The following CKAP5 variants were observed in gnomAD, a reference collection of about 807,000 sequenced individuals.
CKAP5 encodes the protein cytoskeleton associated protein 5.
Under a neutral mutation model 232.8 loss-of-function variants are expected in CKAP5, and 27 were observed. The observed-to-expected ratio is 0.12, with a 90% CI of 0.09 to 0.16. The LOEUF (loss-of-function observed/expected upper bound fraction) is 0.16. Ranked by LOEUF, CKAP5 falls within the 10% of genes least tolerant of loss-of-function variation. CKAP5 has a pLI of 1.00. For missense variants in CKAP5, 1,838 were observed against 2,424.7 expected (o/e 0.76, Z 5.08); for synonymous variants, 785 against 841.1 (o/e 0.93, Z 1.16).
Position 46,790,563 on chromosome 11 carries a change from CT to C in CKAP5, c.1670del (p.Lys557ArgfsTer26). On this transcript the variant is annotated frameshift_variant, in exon 14 of 44. Transcript: ENST00000529230. LOFTEE classifies it high-confidence loss of function. Reference protein sequence around the residue: ...PAAKAGGPPKKGKPAAPGGAG... With the variant: ...PAAKAGGPPKXGKPAAPGGAG... ...CGCCTCCTGGTGCAGCTGGTTTCCC[CT>C]TTTTTGGTGGCCCACCAGCCTAAAA... is the stretch of plus-strand genomic sequence containing the variant. The C allele has an allele frequency of 6.2e-7, 1 of 1,613,632 alleles. No homozygotes were observed. The highest frequency in any genetic ancestry group is 1.7e-5 in the Admixed American group (1 of 60,000).
chr11:46,818,238 T>C, intron 3 of CKAP5, 72 bp downstream of exon 3: 1 of 1,190,542 alleles, frequency 8.4e-7, no homozygotes, highest in Non-Finnish European at 1.2e-6. Context: ...CTAAGGACAG[T>C]GATCTACAAA....
chr11:46,776,471 T>C (rs2065292285), intron 23 of CKAP5, 88 bp from the exon 24 acceptor site: 1 of 1,076,560 alleles, frequency 9.3e-7, no homozygotes, highest in South Asian at 2.2e-5. Context: ...ACATGAACAA[T>C]GGAGGGTTAT....
chr11:46,775,643 A>G (rs1592449517), intron 24 of CKAP5, among the ~76,000 whole-genome samples: 1 of 145,154 alleles, frequency 6.9e-6, no homozygotes, highest in Admixed American at 7.2e-5. Flanking sequence ...ATGCAACCAC[A>G]GAAGAAGAAT....
chr11:46,784,670 T>G lies in CKAP5; in HGVS notation c.1972A>C (p.Met658Leu). The G allele has an allele frequency of 6.2e-7, 1 of 1,613,176 alleles. No individual in the cohort carries two copies. Among genetic ancestry groups the G allele is most frequent in the Non-Finnish European group, 8.5e-7 (1 of 1,179,294 alleles). The change falls in exon 17 of 44, where the codon ATG becomes CTG. Residue 658 changes from methionine (M) to leucine (L), a missense_variant. Around this residue, in one of 6 missense-constraint regions of CKAP5, gnomAD observed 767 missense variants for 954.6 expected, o/e 0.80. Transcript: ENST00000529230. ...PGWKETNFQV[M>L]QMKLHIVALI... is the part of the protein sequence containing the mutation. ...GCAACTATATGAAGCTTCATTTGCA[T>G]CACCTGAACAAGGATCAGTATCATA... is the stretch of plus-strand genomic sequence containing the variant.
At chr11:46,752,520 G>A (rs781703088) in intron 38 of CKAP5, 115 bp downstream of exon 38, 1 of 693,054 alleles carries the variant, frequency 1.4e-6, no homozygotes, top group Non-Finnish European at 2.3e-6. Flanking sequence ...ATTTTCAGGT[G>A]TGACTTGGTT....
At position 46,810,999 on chromosome 11, in the gene CKAP5, T is replaced by C. The variant is rs755932792; in HGVS notation, c.630+8A>G. The C allele has an allele frequency of 9.5e-6, 15 of 1,572,436 alleles. No homozygotes were observed. The highest frequency in any genetic ancestry group is 1.2e-5 in the South Asian group (1 of 83,266). Reference sequence around the variant, plus strand: ...GTGCGAAAGCAACCAGAAAACTTTTTGTCTCACCTGAACAGAGTTTATATT... The same window carrying C: ...GTGCGAAAGCAACCAGAAAACTTTTCGTCTCACCTGAACAGAGTTTATATT... On this transcript the variant is annotated splice_region_variant and intron_variant, in intron 5 of 43. Coordinates refer to ENST00000529230, the MANE Select transcript of CKAP5 (RefSeq NM_001008938.4).
chr11:46,764,022 GA>G lies in CKAP5; in HGVS notation c.3538-393del, dbSNP rs2065180139. 2.6e-5 allele frequency among the ~76,000 whole-genome samples: 4 copies of G among 152,116 alleles called. No homozygotes were observed. In the South Asian group the frequency reaches 8.3e-4, roughly 32 times the overall value. On this transcript the variant is annotated intron_variant, in intron 28 of 43. Transcript: ENST00000529230. ...AGCTAATTAAAAAATTTTTTTCGTA[GA>G]GATGAAGTCTCAATATGTTGTCCAG...
chr11:46,770,341 C>G (rs2065236967), intron 25 of CKAP5: 1 of 515,330 alleles, frequency 1.9e-6, no homozygotes, highest in African/African-American at 1.9e-5. Flanking sequence ...TTTACTTCTA[C>G]ACTGCTTAAT....
intron 4 of CKAP5, 111 bp downstream of exon 4, chr11:46,816,087 C>T (rs1381069302): frequency 1.2e-6 from 1 of 838,460 alleles, no homozygotes; most frequent in East Asian, 2.5e-5. Context: ...CCCCCCATCC[C>T]CCCAACACAC....
chr11:46,807,624 T>A (rs7115986), intron 8 of CKAP5, among the ~76,000 whole-genome samples: 23,022 of 152,202 alleles, frequency 0.15, 2,692 homozygotes, highest in African/African-American at 0.33. Context: ...AGAACTGACC[T>A]CATATTCGTA....
chr11:46,822,059 AAAATAT>A (rs554712438), intron 1 of CKAP5, among the ~76,000 whole-genome samples: 8 of 152,052 alleles, frequency 5.3e-5, no homozygotes, highest in Admixed American at 3.3e-4. Context: ...AGTCACTCAA[AAAATAT>A]AAATATAAAT....
chr11:46,797,480 T>C (rs927584401), intron 11 of CKAP5, among the ~76,000 whole-genome samples: 2 of 152,168 alleles, frequency 1.3e-5, no homozygotes, highest in Non-Finnish European at 2.9e-5. Flanking sequence ...TTACCCTCTA[T>C]CTAAAATAAC....
At chr11:46,800,151 TTA>T (rs1938994141) in intron 9 of CKAP5, among the ~76,000 whole-genome samples, 1 of 152,182 alleles carries the variant, frequency 6.6e-6, no homozygotes, top group African/African-American at 2.4e-5. Flanking sequence ...CACATCGATA[TTA>T]TATAATATTG....
intron 1 of CKAP5, among the ~76,000 whole-genome samples, chr11:46,844,288 T>G (rs1274206701): frequency 6.6e-6 from 1 of 151,488 alleles, no homozygotes; most frequent in East Asian, 1.9e-4. Flanking sequence ...ACAGGAGAGT[T>G]GGTATATTCA....
chr11:46,828,753 CA>C (rs1327566277), intron 1 of CKAP5, among the ~76,000 whole-genome samples: 4 of 151,726 alleles, frequency 2.6e-5, no homozygotes, highest in African/African-American at 9.7e-5. Context: ...CTAACAGTCA[CA>C]AAAAAAGTCA....
chr11:46,771,055 G>A, intron 24 of CKAP5, 73 bp from the exon 25 acceptor site: 1 of 1,292,940 alleles, frequency 7.7e-7, no homozygotes, highest in Non-Finnish European at 1.1e-6. Context: ...CAGGCTTACT[G>A]ATTTCATTAG....
intron 24 of CKAP5, among the ~76,000 whole-genome samples, chr11:46,771,292 TTAGC>T (rs2065246032): frequency 1.3e-5 from 2 of 152,356 alleles, no homozygotes; most frequent in South Asian, 4.1e-4. Flanking sequence ...TGAAAAATAT[TTAGC>T]TAGAAGACCC....
At chr11:46,777,628 T>C in intron 22 of CKAP5, 76 bp from the exon 23 acceptor site, 1 of 896,218 alleles carries the variant, frequency 1.1e-6, no homozygotes, top group Non-Finnish European at 1.8e-6. Flanking sequence ...TTTGCTGCTA[T>C]ACTGTCAATA....
At position 46,809,633 on chromosome 11, in the gene CKAP5, ATATTT is replaced by A. The variant is rs1251387673; in HGVS notation, c.763+104_763+108del. ...GAGTTATTAAAGCTACATGCAACTT[ATATTT>A]TATTAAAGGCAATCCTACAAAATAT... On this transcript the variant is annotated intron_variant, in intron 6 of 43. Coordinates refer to ENST00000529230, the MANE Select transcript of CKAP5 (RefSeq NM_001008938.4). 62 of 1,410,818 alleles carry A rather than the reference ATATTT, an allele frequency of 4.4e-5. No homozygotes were observed. In the African/African-American group the frequency reaches 8.6e-4, roughly 20 times the overall value. 87.4% of individuals were successfully genotyped at this position (1,410,818 alleles called of 1,614,324 possible).
Sources: allele counts gnomAD v4.1 joint callset (sites outside exome capture counted in the v4.1 genomes callset), GRCh38; gene constraint gnomAD v4.1.1; regional missense constraint gnomAD v4.1.1; transcripts MANE v1.5; gene names NCBI Gene and HGNC (gene_info 2026-07-23, HGNC 2026-07-21).